Variants in ORC1 observed in about 807,000 individuals in gnomAD.
The protein encoded by ORC1 is origin recognition complex, subunit 1 homolog.
In ORC1, 61 loss-of-function variants were observed where a neutral mutation model predicts 98.9. That is an observed-to-expected ratio of 0.62 (90% confidence interval 0.50 to 0.76). ORC1 has a LOEUF of 0.76. Among genes scored for constraint, ORC1 ranks in the 30% least tolerant of loss-of-function variants. The pLI is 0.00. For missense variants in ORC1, 979 were observed against 1,072.2 expected, an observed-to-expected ratio of 0.91 and a Z score of 1.21; for synonymous variants, 385 against 406.9, an observed-to-expected ratio of 0.95 and a Z score of 0.65.
At chr1:52,391,117 T>C (rs1569937958) in intron 6 of ORC1, among the ~76,000 whole-genome samples, 1 of 151,842 alleles carries the variant, frequency 6.6e-6, no homozygotes, top group Admixed American at 6.6e-5. Flanking sequence ...GAGACCAGCC[T>C]GGCCAATATG....
upstream of ORC1, chr1:52,408,569 G>A: frequency 6.2e-7 from 1 of 1,614,150 alleles, no homozygotes; most frequent in Non-Finnish European, 8.5e-7. Context: ...TGTCTCTCAG[G>A]TATGTCCGCA....
chr1:52,390,321 A>G (rs1198040939), intron 6 of ORC1, among the ~76,000 whole-genome samples: 5 of 152,250 alleles, frequency 3.3e-5, no homozygotes, highest in African/African-American at 1.2e-4. Flanking sequence ...TAGTTACCAA[A>G]ACAGCATAGT....
chr1:52,404,661 A>C (rs576884562), upstream of ORC1: 14 of 1,447,546 alleles, frequency 9.7e-6, no homozygotes, highest in African/African-American at 1.8e-4. Context: ...AACTTCTTCC[A>C]CCTTTCTCCA....
At chr1:52,387,898 A>C (rs1647164664) in intron 8 of ORC1, among the ~76,000 whole-genome samples, 1 of 152,262 alleles carries the variant, frequency 6.6e-6, no homozygotes, top group Non-Finnish European at 1.5e-5. Flanking sequence ...ACTTTAATTC[A>C]AACATTTCTC....
intron 5 of ORC1, among the ~76,000 whole-genome samples, chr1:52,394,383 T>G (rs1244357750): frequency 6.6e-6 from 1 of 152,186 alleles, no homozygotes; most frequent in Non-Finnish European, 1.5e-5. Context: ...AAGGCAGGCG[T>G]GTGCCAGGGG....
rs1647127009 is a variant in ORC1, at chr1:52,385,211, G to A, written c.1533C>T (p.Phe511=). 6.2e-7 allele frequency: 1 copy of A among 1,614,040 alleles called. No individual in the cohort carries two copies. Among genetic ancestry groups the A allele is most frequent in the East Asian group, 2.2e-5 (1 of 44,874 alleles). The change falls in exon 10 of 17, where the codon TTC becomes TTT. Residue 511 remains phenylalanine (F), a synonymous_variant. Transcript: ENST00000371568. ...TTTCCACAAAATTGTAGATGTCTTG[G>A]AATTCCTGTTCCCGACAGGGAAGAG... ...PESLPCREQE[F]QDIYNFVESK...
chr1:52,399,623 CAAAAAAAAAAAA>C (rs1198516466), intron 3 of ORC1, among the ~76,000 whole-genome samples: 12 of 64,126 alleles, frequency 1.9e-4, no homozygotes, highest in African/African-American at 5.7e-4. Flanking sequence ...GACTCTGTCT[CAAAAAAAAAAAA>C]AAAAAAAAGA....
intron 6 of ORC1, among the ~76,000 whole-genome samples, chr1:52,389,915 C>T (rs1360043527): frequency 6.6e-6 from 1 of 151,900 alleles, no homozygotes; most frequent in Non-Finnish European, 1.5e-5. Flanking sequence ...AAAGGGCATC[C>T]GAATTAAAAA....
chr1:52,375,466 T>C lies in ORC1; in HGVS notation c.2267A>G (p.Asp756Gly). 6.2e-7 allele frequency: 1 copy of C among 1,614,142 alleles called. No homozygotes were observed. The highest frequency in any genetic ancestry group is 8.5e-7 in the Non-Finnish European group (1 of 1,180,026). ...GATGTATGATGATGAAAACATCTCA[T>C]CCACAGCTTCCATTGAGTGGGCTAT... ...VTIAHSMEAVDEMFSSSYITA... is the reference protein window; with the variant it reads ...VTIAHSMEAVGEMFSSSYITA... The change falls in exon 15 of 17, where the codon GAT becomes GGT. Residue 756 changes from aspartate (D) to glycine (G), a missense_variant. Coordinates refer to ENST00000371568, the MANE Select transcript of ORC1 (RefSeq NM_004153.4).
At position 52,388,450 on chromosome 1, in the gene ORC1, T is replaced by G; in HGVS notation, c.1375A>C (p.Lys459Gln). ...SSLHTLTKVP[K>Q]KSLKPRTPRC... Reference sequence around the variant, plus strand: ...ACCTAGAAGAACCTTACACTCTTCTTTGGCACCTTCGTGAGGGTATGTAAG... The same window carrying G: ...ACCTAGAAGAACCTTACACTCTTCTGTGGCACCTTCGTGAGGGTATGTAAG... The change falls in exon 8 of 17, where the codon AAG (lysine) becomes CAG (glutamine). Residue 459 changes from lysine (K) to glutamine (Q), a missense_variant. Transcript: ENST00000371568. 1 of 1,613,808 alleles carries G rather than the reference T, an allele frequency of 6.2e-7. No individual in the cohort carries two copies. The highest frequency in any genetic ancestry group is 1.7e-4 in the Middle Eastern group (1 of 6,060).
chr1:52,389,392 T>C, intron 6 of ORC1, 71 bp from the exon 7 acceptor site: 4 of 1,024,522 alleles, frequency 3.9e-6, no homozygotes, highest in Non-Finnish European at 1.6e-6. Context: ...CACTAGAAGA[T>C]AGTCAAGTGG....
At chr1:52,384,528 A>G (rs1294988565) in intron 11 of ORC1, 22 bp downstream of exon 11, 14 of 1,612,114 alleles carry the variant, frequency 8.7e-6, no homozygotes, top group Middle Eastern at 3.3e-4. Context: ...ATTTTCCAAA[A>G]AGCCTAAACA....
chr1:52,397,115 G>A lies in ORC1; in HGVS notation c.402+570C>T, dbSNP rs538975305. Among the ~76,000 whole-genome samples, 9 of 152,176 alleles carry A rather than the reference G, an allele frequency of 5.9e-5. No homozygotes were observed. In the South Asian group the frequency reaches 1.0e-3, roughly 18 times the overall value. ...ATAAATTAAGATAATCATGCCAGAC[G>A]AGAGTCTCTACCCTAACGCTCAATG... On this transcript the variant is annotated intron_variant, in intron 4 of 16. Transcript: ENST00000371568.
Position 52,396,329 on chromosome 1 carries a change from C to A in ORC1, c.438G>T (p.Thr146=). ...AGAGTGTCTTCTCATTTTTCAGATTCGTCGGTACCACATCCTTTGGGGCTA... is the reference window on the plus strand; with the variant it reads ...AGAGTGTCTTCTCATTTTTCAGATTAGTCGGTACCACATCCTTTGGGGCTA... The part of the protein sequence containing the change: ...IPLAPKDVVP[T]NLKNEKTLFV... Residue 146 remains threonine, a synonymous_variant, in exon 5 of 17, where the codon ACG becomes ACT. Transcript: ENST00000371568. 1 of 1,614,128 alleles carries A rather than the reference C, an allele frequency of 6.2e-7. No individual in the cohort carries two copies. Among genetic ancestry groups the A allele is most frequent in the East Asian group, 2.2e-5 (1 of 44,876 alleles).
At chr1:52,382,728 C>T (rs181700057) in intron 13 of ORC1, among the ~76,000 whole-genome samples, 16 of 151,840 alleles carry the variant, frequency 1.1e-4, no homozygotes, top group African/African-American at 3.6e-4. Flanking sequence ...TACAGGCATG[C>T]GTCACCACAC....
rs374681334 is a variant in ORC1, at chr1:52,397,887, G to A, written c.224-24C>T. 8 of 1,608,224 alleles carry A rather than the reference G, an allele frequency of 5.0e-6. No individual in the cohort carries two copies. In the African/African-American group the frequency reaches 1.1e-4, roughly 21 times the overall value. On this transcript the variant is annotated intron_variant, in intron 3 of 16. Transcript: ENST00000371568. ...GTCTAGAAAGAATTTGGTGGAAAGG[G>A]AAAGGTTAAGACAACTCAAGGACAC...
At chr1:52,391,009 T>C (rs1647202363) in intron 6 of ORC1, among the ~76,000 whole-genome samples, 1 of 149,130 alleles carries the variant, frequency 6.7e-6, no homozygotes, top group South Asian at 2.1e-4. Context: ...CCTGAAACCA[T>C]AAAAAATCTA....
At chr1:52,395,914 G>T in intron 5 of ORC1, 132 bp downstream of exon 5, 1 of 1,461,744 alleles carries the variant, frequency 6.8e-7, no homozygotes, top group South Asian at 1.2e-5. Context: ...AGGATTGCTT[G>T]AGCATGATCA....
chr1:52,402,108 C>G (rs191987413), intron 2 of ORC1, 21 bp downstream of exon 2: 8 of 1,580,714 alleles, frequency 5.1e-6, no homozygotes, highest in Non-Finnish European at 7.0e-6. Flanking sequence ...TCCAGGACAA[C>G]CAAAGGACCC....
Sources: gnomAD v4.1 joint callset for allele counts (sites outside exome capture counted in the v4.1 genomes callset) on GRCh38, gnomAD v4.1.1 for gene constraint, MANE v1.5 for transcripts, NCBI Gene and HGNC (gene_info 2026-07-23, HGNC 2026-07-21) for gene names.